Variants in CDK1 observed in about 807,000 individuals in gnomAD.
CDK1 encodes cyclin-dependent kinase 1.
Under a neutral mutation model 34.6 loss-of-function variants are expected in CDK1, and 5 were observed. The ratio of observed to expected loss-of-function variants is 0.14; its 90% confidence interval spans 0.08 to 0.30. CDK1 has a LOEUF of 0.30. Ranked by LOEUF, CDK1 falls within the 10% of genes least tolerant of loss-of-function variation. CDK1 has a pLI of 1.00. For missense variants in CDK1, 157 were observed against 345.7 expected, an observed-to-expected ratio of 0.45 and a Z score of 4.33; for synonymous variants, 108 against 114.7, an observed-to-expected ratio of 0.94 and a Z score of 0.37.
intron 2 of CDK1, among the ~76,000 whole-genome samples, 167 bp downstream of exon 2, chr10:60,780,369 A>G (rs1183859548): frequency 6.6e-6 from 1 of 152,202 alleles, no homozygotes; most frequent in Non-Finnish European, 1.5e-5. Context: ...ATTTGCTCAC[A>G]TTTCAAGAGA....
intron 7 of CDK1, 149 bp downstream of exon 7, chr10:60,792,438 A>T (rs944469282): frequency 3.3e-6 from 2 of 599,198 alleles, no homozygotes; most frequent in African/African-American, 3.9e-5. Flanking sequence ...TTCATTTTAG[A>T]TATCAGGAGG....
intron 1 of CDK1, 75 bp from the exon 2 acceptor site, chr10:60,780,066 A>G: frequency 2.7e-6 from 2 of 744,240 alleles, no homozygotes. Flanking sequence ...AATGCTTTAC[A>G]TATAGTGTTT....
intron 5 of CDK1, 118 bp downstream of exon 5, chr10:60,788,348 A>C (rs2132071608): frequency 3.2e-6 from 2 of 629,514 alleles, no homozygotes; most frequent in South Asian, 4.3e-5. Flanking sequence ...TGGCAGTATC[A>C]ATTTATTGCC....
At chr10:60,785,948 A>T (rs1166669085) in intron 4 of CDK1, 161 bp downstream of exon 4, 11 of 1,233,660 alleles carry the variant, frequency 8.9e-6, no homozygotes, top group African/African-American at 6.2e-5. Flanking sequence ...CAGGTTAGAG[A>T]TACCCATGTT....
At chr10:60,786,274 G>A in intron 4 of CDK1, 1 of 980,182 alleles carries the variant, frequency 1.0e-6, no homozygotes, top group Non-Finnish European at 1.2e-6. Context: ...AGGTAGCGCT[G>A]TTAGTTTTAT....
chr10:60,785,290 G>T (rs2080306197), intron 3 of CDK1, among the ~76,000 whole-genome samples: 1 of 152,110 alleles, frequency 6.6e-6, no homozygotes, highest in Non-Finnish European at 1.5e-5. Context: ...AACAGTCCAA[G>T]TTAAAATCTA....
At chr10:60,790,811 A>G (rs755016393) in intron 5 of CDK1, among the ~76,000 whole-genome samples, 9 of 152,164 alleles carry the variant, frequency 5.9e-5, no homozygotes, top group Non-Finnish European at 1.0e-4. Context: ...TGTTCTTGTC[A>G]TCTTTCTCAA....
chr10:60,783,177 G>T (rs3213040), intron 2 of CDK1, among the ~76,000 whole-genome samples: 3,030 of 152,178 alleles, frequency 0.02, 96 homozygotes, highest in African/African-American at 0.069. Flanking sequence ...TTAAGTATAT[G>T]AAGGTTGCCT....
intron 7 of CDK1, among the ~76,000 whole-genome samples, 199 bp downstream of exon 7, chr10:60,792,488 GTTT>G (rs983103887): frequency 6.6e-6 from 1 of 151,916 alleles, no homozygotes; most frequent in African/African-American, 2.4e-5. Flanking sequence ...ATTAGTTTTT[GTTT>G]TTTATCTGAC....
chr10:60,788,155 C>A lies in CDK1; in HGVS notation c.414C>A (p.Asp138Glu), dbSNP rs2080331443. 1 of 1,611,144 alleles carries A rather than the reference C, an allele frequency of 6.2e-7. No homozygotes were observed. The highest frequency in any genetic ancestry group is 8.5e-7 in the Non-Finnish European group (1 of 1,178,012). The change falls in exon 5 of 8, where the codon GAC becomes GAA. Residue 138 changes from aspartate to glutamate, a missense_variant. Asp to Glu is a conservative substitution (Grantham distance 45, BLOSUM62 2). Coordinates refer to ENST00000395284, the MANE Select transcript of CDK1 (RefSeq NM_001786.5). ...AACCTCAAAATCTCTTGATTGATGA[C>A]AAAGGAACAATTAAACTGGCTGATT... is the stretch of plus-strand genomic sequence containing the variant. Reference protein sequence around the residue: ...DLKPQNLLIDDKGTIKLADFG... With the variant: ...DLKPQNLLIDEKGTIKLADFG...
Position 60,780,121 on chromosome 10 carries a change from C to G in CDK1, c.-25-20C>G, listed in dbSNP as rs749298123. ...TCGAGTTAGTGGCATGTAATTAAGT[C>G]AGTTTTTCCTTCACTTTAGGATCTA... On this transcript the variant is annotated intron_variant, in intron 1 of 7. Transcript: ENST00000395284. 4.3e-6 allele frequency: 5 copies of G among 1,174,116 alleles called. No individual in the cohort carries two copies. The Admixed American group carries it at 5.1e-5, about 12-fold the overall frequency. 72.7% of individuals were successfully genotyped at this position (1,174,116 alleles called of 1,614,324 possible).
chr10:60,783,197 G>A (rs1352994364), intron 2 of CDK1, among the ~76,000 whole-genome samples: 3 of 152,094 alleles, frequency 2.0e-5, no homozygotes, highest in Non-Finnish European at 2.9e-5. Context: ...TACTTTTAAG[G>A]ATGGCTGTGA....
intron 4 of CDK1, chr10:60,786,793 C>T (rs2080320135): frequency 2.6e-6 from 2 of 771,408 alleles, no homozygotes; most frequent in Non-Finnish European, 3.1e-6. Context: ...TATTTCATGA[C>T]AATTTAACAC....
chr10:60,783,242 G>A (rs1400472715), intron 2 of CDK1, among the ~76,000 whole-genome samples: 1 of 152,106 alleles, frequency 6.6e-6, no homozygotes, highest in East Asian at 1.9e-4. Context: ...TTAATGTAGA[G>A]TAATTTTGGT....
At chr10:60,788,002 A>T in intron 4 of CDK1, 58 bp from the exon 5 acceptor site, 1 of 875,464 alleles carries the variant, frequency 1.1e-6, no homozygotes, top group Non-Finnish European at 1.6e-6. Flanking sequence ...TTTGAAACAG[A>T]TTATTTAGAA....
chr10:60,785,586 A>T lies in CDK1; in HGVS notation c.195-78A>T. On this transcript the variant is annotated intron_variant, in intron 3 of 7. Coordinates refer to ENST00000395284, the MANE Select transcript of CDK1 (RefSeq NM_001786.5). Reference sequence around the variant, plus strand: ...AGTTTTTATTATAGCAACTGAAATTATGGAAGGAGTTTTATTTTGTGAAAC... The same window carrying T: ...AGTTTTTATTATAGCAACTGAAATTTTGGAAGGAGTTTTATTTTGTGAAAC... 3 of 842,502 alleles carry T rather than the reference A, an allele frequency of 3.6e-6. No individual in the cohort carries two copies. The East Asian group carries it at 7.7e-5, about 22-fold the overall frequency. 52.2% of individuals were successfully genotyped at this position (842,502 alleles called of 1,614,324 possible). A position where few individuals can be genotyped will look rare whatever the true frequency, so the allele number is the denominator to read the frequency against.
intron 2 of CDK1, among the ~76,000 whole-genome samples, chr10:60,782,915 T>C (rs1443032926): frequency 1.3e-5 from 2 of 152,150 alleles, no homozygotes; most frequent in Non-Finnish European, 2.9e-5. Context: ...ACACATTGAG[T>C]GTTGGCCACT....
chr10:60,787,318 C>T (rs1021362152), intron 4 of CDK1, among the ~76,000 whole-genome samples: 10 of 152,118 alleles, frequency 6.6e-5, no homozygotes, highest in African/African-American at 1.4e-4. Flanking sequence ...CGCTTAGCTA[C>T]GTTTGGTAGG....
rs1392270090 is a variant in CDK1, at chr10:60,794,671, T to C, written c.*696T>C. The C allele has an allele frequency of 1.3e-5, 2 of 152,156 alleles. No individual in the cohort carries two copies. Among genetic ancestry groups the C allele is most frequent in the South Asian group, 4.1e-4 (2 of 4,836 alleles). 9.4% of individuals were successfully genotyped at this position (152,156 alleles called of 1,614,324 possible). A position where few individuals can be genotyped will look rare whatever the true frequency, so the allele number is the denominator to read the frequency against. The stretch of plus-strand genomic sequence containing the variant: ...TTAGGTAGGTTTTGAAAGCTTTTTG[T>C]CTAAGTGAATTCTTATGCCTTGGTC... On this transcript the variant is annotated 3_prime_UTR_variant, in exon 8 of 8. Transcript: ENST00000395284.
Sources: gnomAD v4.1 joint callset for allele counts (sites outside exome capture counted in the v4.1 genomes callset) on GRCh38, gnomAD v4.1.1 for gene constraint, MANE v1.5 for transcripts, NCBI Gene and HGNC (gene_info 2026-07-23, HGNC 2026-07-21) for gene names.